Variants in SEMA3A observed in about 807,000 individuals in gnomAD.
SEMA3A encodes the protein semaphorin-3A.
In SEMA3A, 29 loss-of-function variants were observed where a neutral mutation model predicts 97.9. That is an observed-to-expected ratio of 0.30 (90% CI 0.22 to 0.40). The LOEUF is 0.40. Ranked by LOEUF, SEMA3A falls within the 10% of genes least tolerant of loss-of-function variation. The probability of loss-of-function intolerance (pLI) is 1.00; values close to 1 mark genes in which losing one functional copy is unlikely to be tolerated. For synonymous variants in SEMA3A, 321 were observed against 323.7 expected, an observed-to-expected ratio of 0.99 and a Z score of 0.09; for missense variants, 763 against 951.3, an observed-to-expected ratio of 0.80 and a Z score of 2.60.
intron 4 of SEMA3A, among the ~76,000 whole-genome samples, chr7:84,082,341 G>A (rs886298656): frequency 1.3e-5 from 2 of 152,150 alleles, no homozygotes; most frequent in Admixed American, 6.5e-5. Flanking sequence ...TGAGCAGCAG[G>A]AAGTGGGAAG....
In SEMA3A at chr7:84,021,916, T is replaced by C. The variant is rs568160085; in HGVS notation, c.668-7565A>G. Among the ~76,000 whole-genome samples, 402 of 152,138 alleles carry C rather than the reference T, an allele frequency of 2.6e-3. 2 individuals are homozygous for C. Among genetic ancestry groups the C allele is most frequent in the African/African-American group, 9.0e-3 (374 of 41,546 alleles). On this transcript the variant is annotated intron_variant, in intron 6 of 16. Transcript: ENST00000265362. ...TAAAGAAATGCTTATACATGCTTCT[T>C]TAAATTTGCTACTATTTCTGCAAGA...
intron 1 of SEMA3A, among the ~76,000 whole-genome samples, chr7:84,379,540 G>A (rs947156867): frequency 2.6e-5 from 4 of 152,050 alleles, no homozygotes; most frequent in African/African-American, 9.7e-5. Context: ...GCACATTACT[G>A]AATTCATCTA....
intron 1 of SEMA3A, among the ~76,000 whole-genome samples, chr7:84,165,968 GTAAGA>G (rs1160692576): frequency 6.6e-6 from 1 of 152,094 alleles, no homozygotes; most frequent in Non-Finnish European, 1.5e-5. Context: ...GTGTGAAGTG[GTAAGA>G]TAAGAAAGAT....
chr7:84,221,708 T>C (rs1171173283), intron 3 of SEMA3A, among the ~76,000 whole-genome samples: 1 of 152,030 alleles, frequency 6.6e-6, no homozygotes, highest in Non-Finnish European at 1.5e-5. Flanking sequence ...ATAGCATTTA[T>C]TGATTAAGTT....
chr7:84,087,381 T>C (rs755535875), intron 4 of SEMA3A, among the ~76,000 whole-genome samples: 1 of 152,182 alleles, frequency 6.6e-6, no homozygotes, highest in Non-Finnish European at 1.5e-5. Flanking sequence ...TGTGTAGACA[T>C]GGAGTCATTC....
At chr7:84,262,058 T>C (rs1430871097) in intron 3 of SEMA3A, among the ~76,000 whole-genome samples, 1 of 152,034 alleles carries the variant, frequency 6.6e-6, no homozygotes, top group Admixed American at 6.6e-5. Context: ...GTGAAGACTT[T>C]GTATGCTTAC....
chr7:84,008,948 TTTGA>T (rs908699566), intron 9 of SEMA3A, among the ~76,000 whole-genome samples: 5 of 152,202 alleles, frequency 3.3e-5, no homozygotes, highest in African/African-American at 1.2e-4. Context: ...TTTGCTTATC[TTTGA>T]TTAAGTCAGC....
chr7:84,465,670 A>G (rs1455759205), intron 1 of SEMA3A, among the ~76,000 whole-genome samples: 1 of 152,184 alleles, frequency 6.6e-6, no homozygotes, highest in East Asian at 1.9e-4. Flanking sequence ...TTTTTATTAC[A>G]TAAGCCGGAG....
chr7:84,459,506 T>G (rs540263462), intron 1 of SEMA3A, among the ~76,000 whole-genome samples: 1 of 152,288 alleles, frequency 6.6e-6, no homozygotes, highest in African/African-American at 2.4e-5. Context: ...GCTATTAATG[T>G]TAGTAGAGAT....
chr7:83,964,469 C>A (rs1362241727), intron 15 of SEMA3A, among the ~76,000 whole-genome samples: 2 of 152,158 alleles, frequency 1.3e-5, no homozygotes, highest in Non-Finnish European at 2.9e-5. Context: ...ATACCTTTGA[C>A]TGTCATAGCT....
intron 1 of SEMA3A, among the ~76,000 whole-genome samples, chr7:84,469,038 A>C (rs977941742): frequency 5.9e-5 from 9 of 152,144 alleles, no homozygotes; most frequent in African/African-American, 2.2e-4. Flanking sequence ...TGAGGATAGA[A>C]AATTGATGAT....
At chr7:83,975,654 T>A (rs1487948887) in intron 15 of SEMA3A, among the ~76,000 whole-genome samples, 1 of 152,170 alleles carries the variant, frequency 6.6e-6, no homozygotes, top group Non-Finnish European at 1.5e-5. Flanking sequence ...AAATAATGTT[T>A]CATTTTGATA....
At chr7:84,451,110 G>A (rs184416094) in intron 1 of SEMA3A, among the ~76,000 whole-genome samples, 2 of 152,132 alleles carry the variant, frequency 1.3e-5, no homozygotes, top group East Asian at 3.9e-4. Context: ...TTTCCCTTAT[G>A]TTTTCCTCTA....
At chr7:84,118,300 T>C (rs1384773609) in intron 3 of SEMA3A, among the ~76,000 whole-genome samples, 1 of 152,202 alleles carries the variant, frequency 6.6e-6, no homozygotes, top group East Asian at 1.9e-4. Context: ...CAGGATTCAT[T>C]TTCTCAACAC....
In SEMA3A at chr7:84,036,864, T is replaced by C. The variant is rs561820425; in HGVS notation, c.667+9460A>G. On this transcript the variant is annotated intron_variant, in intron 6 of 16. Coordinates refer to ENST00000265362, the MANE Select transcript of SEMA3A (RefSeq NM_006080.3). ...GTTCCAGTAACATTTTTTTAATGTT[T>C]TGAGCTTATAAAAAAGTCCTTAAGT... 9.9e-5 allele frequency among the ~76,000 whole-genome samples: 15 copies of C among 152,246 alleles called. No individual in the cohort carries two copies. In the South Asian group the frequency reaches 2.9e-3, roughly 29 times the overall value.
chr7:83,993,650 C>G (rs1790065364), intron 12 of SEMA3A, among the ~76,000 whole-genome samples: 2 of 129,630 alleles, frequency 1.5e-5, no homozygotes, highest in Non-Finnish European at 3.2e-5. Context: ...GGCCCCCACT[C>G]TCTTCTGGCT....
intron 5 of SEMA3A, among the ~76,000 whole-genome samples, chr7:84,054,564 T>C (rs967746683): frequency 1.3e-5 from 2 of 150,816 alleles, no homozygotes; most frequent in Non-Finnish European, 3.0e-5. Flanking sequence ...TCAGCTCCTT[T>C]AAGCACTTCT....
rs749889921 is a variant in SEMA3A, at chr7:83,980,603, C to CAAAAAA, written c.1652+712_1652+717dup. Among the ~76,000 whole-genome samples the CAAAAAA allele has an allele frequency of 3.2e-3, 175 of 53,960 alleles. 14 individuals carry two copies. The highest frequency in any genetic ancestry group is 0.023 in the Middle Eastern group (1 of 44). 35.4% of individuals were successfully genotyped at this position (53,960 alleles called of 152,430 possible). A position where few individuals can be genotyped will look rare whatever the true frequency, so the allele number is the denominator to read the frequency against. ...CTGGTGACAGAGTGAGACTCCATCT[C>CAAAAAA]AAAAAAAAAAAAAAAAAAAAATATA... On this transcript the variant is annotated intron_variant, in intron 14 of 16. Transcript: ENST00000265362.
intron 1 of SEMA3A, among the ~76,000 whole-genome samples, chr7:84,189,895 G>A (rs1797988463): frequency 6.6e-6 from 1 of 151,476 alleles, no homozygotes; most frequent in Non-Finnish European, 1.5e-5. Context: ...AGATATCACA[G>A]ATCAATATAT....
Sources: gnomAD v4.1 joint callset for allele counts (sites outside exome capture counted in the v4.1 genomes callset) on GRCh38, gnomAD v4.1.1 for gene constraint, MANE v1.5 for transcripts, NCBI Gene and HGNC (gene_info 2026-07-23, HGNC 2026-07-21) for gene names.